EML1: variants seen among roughly 807,000 people sequenced by gnomAD.
The protein encoded by EML1 is echinoderm microtubule-associated protein-like 1.
EML1 carries 27 observed loss-of-function variants against 110.4 expected under a neutral mutation model. That is an observed-to-expected ratio of 0.24 (90% CI 0.18 to 0.34). The LOEUF is 0.34. EML1 is among the 10% of genes least tolerant of loss of function. The probability of loss-of-function intolerance (pLI) is 1.00; values close to 1 mark genes in which losing one functional copy is unlikely to be tolerated. For missense variants in EML1, 741 were observed against 1,030.9 expected, an observed-to-expected ratio of 0.72 and a Z score of 3.85; for synonymous variants, 344 against 385.8, an observed-to-expected ratio of 0.89 and a Z score of 1.27.
At chr14:99,837,944 C>T (rs1190297323) in intron 1 of EML1, among the ~76,000 whole-genome samples, 1 of 152,118 alleles carries the variant, frequency 6.6e-6, no homozygotes, top group Non-Finnish European at 1.5e-5. Flanking sequence ...GGACTACAGG[C>T]ATGAACCATC....
chr14:99,850,277 GA>G, intron 1 of EML1: 1 of 1,288,416 alleles, frequency 7.8e-7, no homozygotes, highest in Non-Finnish European at 1.0e-6. Context: ...GAGAGGCGAA[GA>G]AGATCACGGA....
Position 99,939,797 on chromosome 14 carries a change from G to C in EML1, c.2323-190G>C, listed in dbSNP as rs2140143872. On this transcript the variant is annotated intron_variant, in intron 21 of 21. Transcript: ENST00000262233. The surrounding 1 kb of genome is among the most constrained non-coding windows in gnomAD (Gnocchi z 4.2). ...ATTTGCTCGTGTCTGTCCCCTACCAGGCCACGAGGACTGTGGGCTTTGTTT... is the reference window on the plus strand; with the variant it reads ...ATTTGCTCGTGTCTGTCCCCTACCACGCCACGAGGACTGTGGGCTTTGTTT... Among the ~76,000 whole-genome samples the C allele has an allele frequency of 6.6e-6, 1 of 152,164 alleles. No homozygotes were observed. Among genetic ancestry groups the C allele is most frequent in the South Asian group, 2.1e-4 (1 of 4,822 alleles).
chr14:99,848,969 A>T (rs1219972638), intron 1 of EML1, among the ~76,000 whole-genome samples: 2 of 152,144 alleles, frequency 1.3e-5, no homozygotes, highest in Non-Finnish European at 2.9e-5. Context: ...TCAAAAAAAA[A>T]AAAAATAATA....
chr14:99,762,481 T>G (rs1263398109), intron 1 of EML1, among the ~76,000 whole-genome samples: 1 of 152,154 alleles, frequency 6.6e-6, no homozygotes, highest in African/African-American at 2.4e-5. Context: ...TTAACCTTTC[T>G]GTAAGTGGAA....
intron 1 of EML1, among the ~76,000 whole-genome samples, chr14:99,840,205 A>G (rs774982468): frequency 1.3e-5 from 2 of 152,242 alleles, no homozygotes; most frequent in Non-Finnish European, 1.5e-5. Flanking sequence ...ATTGGTTTTA[A>G]ACTACTAAAT....
In EML1 at chr14:99,939,128, C is replaced by A. The variant is rs866649922; in HGVS notation, c.2192-69C>A. On this transcript the variant is annotated intron_variant, in intron 20 of 21. Transcript: ENST00000262233. The surrounding 1 kb of genome is among the most constrained non-coding windows in gnomAD (Gnocchi z 4.2). ...TTCATGTTCAGGACCGTTCAGTGGGCGCTTCCTGCGCCATGTGGCCCTGTG... is the reference window on the plus strand; with the variant it reads ...TTCATGTTCAGGACCGTTCAGTGGGAGCTTCCTGCGCCATGTGGCCCTGTG... 86 of 1,578,828 alleles carry A rather than the reference C, an allele frequency of 5.4e-5. 1 individual carries two copies. In the African/African-American group the frequency reaches 1.0e-3, roughly 18 times the overall value.
chr14:99,910,381 A>G, intron 12 of EML1, 40 bp downstream of exon 12: 1 of 1,481,690 alleles, frequency 6.7e-7, no homozygotes, highest in Non-Finnish European at 9.3e-7. Flanking sequence ...GTTTTTGGTA[A>G]TGTTGTAAGA....
intron 1 of EML1, among the ~76,000 whole-genome samples, chr14:99,824,880 T>C (rs1346878421): frequency 6.6e-6 from 1 of 152,208 alleles, no homozygotes; most frequent in Admixed American, 6.5e-5. Context: ...GTATAGAATT[T>C]TCTGTTTCTG....
intron 1 of EML1, among the ~76,000 whole-genome samples, chr14:99,844,476 C>CAA (rs71113228): frequency 7.3e-6 from 1 of 136,436 alleles, no homozygotes; most frequent in Non-Finnish European, 1.6e-5. Context: ...GAGACTTTGT[C>CAA]AAAAAAAAAA....
At chr14:99,746,980 G>C (rs766595602) in intron 1 of EML1, among the ~76,000 whole-genome samples, 2 of 151,984 alleles carry the variant, frequency 1.3e-5, no homozygotes, top group Non-Finnish European at 2.9e-5. Flanking sequence ...CCGCTCTATC[G>C]GGCGCTGTGC....
At chr14:99,780,235 G>A (rs1393472296) in intron 1 of EML1, among the ~76,000 whole-genome samples, 1 of 152,036 alleles carries the variant, frequency 6.6e-6, no homozygotes, top group Non-Finnish European at 1.5e-5. Flanking sequence ...CACATTGGGG[G>A]TTGGGTTTTC....
intron 20 of EML1, among the ~76,000 whole-genome samples, chr14:99,938,950 G>T (rs1375726073): frequency 6.6e-6 from 1 of 152,242 alleles, no homozygotes; most frequent in African/African-American, 2.4e-5. Flanking sequence ...TGGCAGCCCG[G>T]AAAGCTTGTC....
At chr14:99,874,499 T>G (rs1242395226) in intron 3 of EML1, among the ~76,000 whole-genome samples, 1 of 152,242 alleles carries the variant, frequency 6.6e-6, no homozygotes, top group Non-Finnish European at 1.5e-5. Context: ...TTCTTTGATA[T>G]TCCCTGCTGG....
chr14:99,814,289 G>C (rs2058130530), intron 1 of EML1, among the ~76,000 whole-genome samples: 1 of 152,106 alleles, frequency 6.6e-6, no homozygotes, highest in Admixed American at 6.6e-5. Context: ...AATTTTTTTA[G>C]GGACCAGATC....
At chr14:99,849,612 A>G (rs565894312) in intron 1 of EML1, among the ~76,000 whole-genome samples, 6 of 151,642 alleles carry the variant, frequency 4.0e-5, no homozygotes, top group East Asian at 3.9e-4. Context: ...CAGTGGTGCA[A>G]TCTTGGCTCA....
In EML1 at chr14:99,936,219, A is replaced by C. The variant is rs770376341; in HGVS notation, c.2008-28A>C. ...TTGGCAGGGACTTCTAAGGCCAATG[A>C]AATGAAGACAGTGTTTTACCCTCCC... On this transcript the variant is annotated intron_variant, in intron 18 of 21. Transcript: ENST00000262233. This position sits in a 1 kb window ranked among gnomAD's most constrained non-coding sequence, Gnocchi z 5.5. The C allele has an allele frequency of 6.2e-7, 1 of 1,613,342 alleles. No individual in the cohort carries two copies. Among genetic ancestry groups the C allele is most frequent in the Non-Finnish European group, 8.5e-7 (1 of 1,179,292 alleles).
chr14:99,914,418 G>A, intron 14 of EML1, 114 bp downstream of exon 14: 1 of 1,538,476 alleles, frequency 6.5e-7, no homozygotes, highest in Non-Finnish European at 8.8e-7. Context: ...CCACCCCAGA[G>A]TGTCTGTGGC....
At chr14:99,900,391 T>G (rs940304532) in intron 8 of EML1, among the ~76,000 whole-genome samples, 1 of 152,034 alleles carries the variant, frequency 6.6e-6, no homozygotes. Context: ...TTCACCATGT[T>G]GGTCAGGCTG....
At chr14:99,918,470 C>G (rs1322477646) in intron 16 of EML1, among the ~76,000 whole-genome samples, 1 of 152,128 alleles carries the variant, frequency 6.6e-6, no homozygotes, top group Non-Finnish European at 1.5e-5. Flanking sequence ...GTGGGAGAAG[C>G]CTTGATTTTG....
Sources: allele counts gnomAD v4.1 joint callset (sites outside exome capture counted in the v4.1 genomes callset), GRCh38; gene constraint gnomAD v4.1.1; non-coding constraint Gnocchi (gnomAD v3.1); transcripts MANE v1.5; gene names NCBI Gene and HGNC (gene_info 2026-07-23, HGNC 2026-07-21).